Variants in DNAH6 observed in about 807,000 individuals in gnomAD.
DNAH6 encodes dynein axonemal heavy chain 6.
In DNAH6, 340 loss-of-function variants were observed where a neutral mutation model predicts 491.4. That is an observed-to-expected ratio of 0.69 (90% CI 0.63 to 0.76). The LOEUF is 0.76. DNAH6 is among the 30% of genes least tolerant of loss of function. The pLI, the probability that DNAH6 is intolerant of heterozygous loss-of-function variation, is 0.00. For missense variants in DNAH6, 4,443 were observed against 4,972.2 expected (o/e 0.89, Z 3.20); for synonymous variants, 1,603 against 1,686.1 (o/e 0.95, Z 1.21).
chr2:84,654,126 GAGAA>G (rs1291215211), intron 34 of DNAH6, among the ~76,000 whole-genome samples: 9 of 152,174 alleles, frequency 5.9e-5, no homozygotes, highest in African/African-American at 7.2e-5. Flanking sequence ...GAGAGAGAGA[GAGAA>G]AGAAAGAGGA....
intron 10 of DNAH6, among the ~76,000 whole-genome samples, chr2:84,553,451 CTCTTTCTTTCTTT>C (rs1679697072): frequency 7.8e-6 from 1 of 127,938 alleles, no homozygotes; most frequent in African/African-American, 2.9e-5. Flanking sequence ...CTTTCTCTCT[CTCTTTCTTTCTTT>C]TCTTTCTTTT....
intron 45 of DNAH6, among the ~76,000 whole-genome samples, chr2:84,689,454 G>T (rs1386287803): frequency 6.6e-6 from 1 of 152,226 alleles, no homozygotes; most frequent in Non-Finnish European, 1.5e-5. Flanking sequence ...GGAGTGCCTG[G>T]AGCATCTCCG....
intron 4 of DNAH6, among the ~76,000 whole-genome samples, chr2:84,539,668 C>T (rs184774793): frequency 5.9e-5 from 9 of 152,210 alleles, no homozygotes; most frequent in African/African-American, 1.7e-4. Context: ...AGGGTGGAGC[C>T]CGAGAATGTG....
chr2:84,507,624 A>T, the DNAH6 span, among the ~76,000 whole-genome samples: 2 of 152,216 alleles, frequency 1.3e-5, no homozygotes, highest in South Asian at 4.2e-4. Context: ...GTGGTGAGAG[A>T]GGGCATCCCT....
Position 84,722,706 on chromosome 2 carries a change from C to T in DNAH6, c.9874C>T (p.Arg3292Cys), listed in dbSNP as rs770893158. 336 of 1,548,330 alleles carry T rather than the reference C, an allele frequency of 2.2e-4. No individual in the cohort carries two copies. Among genetic ancestry groups the T allele is most frequent in the Middle Eastern group, 1.2e-3 (7 of 5,998 alleles). Residue 3292 changes from arginine to cysteine, a missense_variant, in exon 60 of 77, where the codon CGT becomes TGT. Around this residue, in one of 3 missense-constraint regions of DNAH6, gnomAD observed 1,463 missense variants for 1,656.6 expected, o/e 0.88. Coordinates refer to ENST00000389394, the MANE Select transcript of DNAH6 (RefSeq NM_001370.2). Reference protein sequence around the residue: ...QMINVAREKYRPVATQGSVMY... With the variant: ...QMINVAREKYCPVATQGSVMY... ...GATCAATGTGGCTCGTGAGAAGTAT[C>T]GTCCAGTGGCCACTCAAGGCTCTGT...
chr2:84,623,828 T>C (rs1412129523), intron 26 of DNAH6, among the ~76,000 whole-genome samples: 1 of 152,232 alleles, frequency 6.6e-6, no homozygotes, highest in Non-Finnish European at 1.5e-5. Context: ...CTTAAAATGC[T>C]CAGATTTTCT....
At chr2:84,684,233 G>T (rs144721230) in intron 42 of DNAH6, among the ~76,000 whole-genome samples, 1 of 152,154 alleles carries the variant, frequency 6.6e-6, no homozygotes, top group Non-Finnish European at 1.5e-5. Flanking sequence ...ATATGACTTC[G>T]TTTCTTTCAT....
At chr2:84,481,282 C>T in the DNAH6 span, among the ~76,000 whole-genome samples, 1 of 152,264 alleles carries the variant, frequency 6.6e-6, no homozygotes, top group East Asian at 1.9e-4. Context: ...TGATTTTAGG[C>T]AAAGACTTTC....
chr2:84,722,822 G>C lies in DNAH6; in HGVS notation c.9972+18G>C. 1 of 1,382,002 alleles carries C rather than the reference G, an allele frequency of 7.2e-7. No individual in the cohort carries two copies. The highest frequency in any genetic ancestry group is 1.6e-5 in the South Asian group (1 of 63,668). 85.6% of individuals were successfully genotyped at this position (1,382,002 alleles called of 1,614,324 possible). Reference sequence around the variant, plus strand: ...TTAAACAGGTAAGTGTGTTCATGTTGTTAATGACAGTCATCTCTTTGGCCT... The same window carrying C: ...TTAAACAGGTAAGTGTGTTCATGTTCTTAATGACAGTCATCTCTTTGGCCT... On this transcript the variant is annotated intron_variant, in intron 60 of 76. Transcript: ENST00000389394.
intron 63 of DNAH6, among the ~76,000 whole-genome samples, chr2:84,757,524 T>C (rs1674157903): frequency 6.6e-6 from 1 of 152,220 alleles, no homozygotes; most frequent in Non-Finnish European, 1.5e-5. Flanking sequence ...ACACTCTCTA[T>C]TCAGGCCATT....
At chr2:84,588,678 A>G in intron 15 of DNAH6, 148 bp from the exon 16 acceptor site, 3 of 778,296 alleles carry the variant, frequency 3.9e-6, no homozygotes, top group Non-Finnish European at 1.9e-6. Flanking sequence ...TTTAAAATTC[A>G]GGAAAACAAT....
chr2:84,733,674 ATT>A (rs1205077944), intron 62 of DNAH6, 95 bp downstream of exon 62: 14 of 1,143,502 alleles, frequency 1.2e-5, no homozygotes, highest in Non-Finnish European at 1.4e-5. Flanking sequence ...TAATGTCAGC[ATT>A]TTTCACTAGG....
At chr2:84,503,578 T>C in the DNAH6 span, among the ~76,000 whole-genome samples, 1 of 152,126 alleles carries the variant, frequency 6.6e-6, no homozygotes, top group Non-Finnish European at 1.5e-5. Flanking sequence ...AGGACAGGTC[T>C]GGTGATGATG....
intron 63 of DNAH6, among the ~76,000 whole-genome samples, chr2:84,749,479 T>C (rs1327333716): frequency 1.3e-5 from 2 of 152,122 alleles, no homozygotes; most frequent in Non-Finnish European, 2.9e-5. Flanking sequence ...GTGATGACAA[T>C]GTTCTGAGGT....
chr2:84,621,299 G>A lies in DNAH6; in HGVS notation c.3901G>A (p.Ala1301Thr), dbSNP rs148175693. 2.0e-5 allele frequency: 31 copies of A among 1,551,576 alleles called. No homozygotes were observed. The highest frequency in any genetic ancestry group is 2.4e-5 in the Non-Finnish European group (28 of 1,146,888). ...SLRRLCKAAI[A>T]DYQGKLRTDW... ...GCGTCGCCTGTGCAAAGCTGCCATC[G>A]CTGACTATCAGGGGAAACTGAGGAC... The change falls in exon 25 of 77, where the codon GCT becomes ACT. Residue 1301 changes from alanine (A) to threonine (T), a missense_variant. Ala to Thr is a moderately conservative substitution (Grantham distance 58). Coordinates refer to ENST00000389394, the MANE Select transcript of DNAH6 (RefSeq NM_001370.2).
intron 22 of DNAH6, among the ~76,000 whole-genome samples, chr2:84,613,914 T>C (rs1686574649): frequency 6.6e-6 from 1 of 152,150 alleles, no homozygotes; most frequent in Non-Finnish European, 1.5e-5. Context: ...GCTTTTAAAA[T>C]CTTAACAGTA....
chr2:84,522,508 A>G (rs1170011185), intron 2 of DNAH6, among the ~76,000 whole-genome samples: 2 of 152,114 alleles, frequency 1.3e-5, no homozygotes, highest in African/African-American at 4.8e-5. Context: ...TTCCAATACT[A>G]TGTAGAATAG....
At chr2:84,576,059 A>G (rs1351845264) in intron 12 of DNAH6, among the ~76,000 whole-genome samples, 2 of 152,334 alleles carry the variant, frequency 1.3e-5, no homozygotes, top group East Asian at 3.9e-4. Flanking sequence ...GTTCTGAGGG[A>G]TAATTACATG....
At chr2:84,588,978 G>A (rs1229795700) in intron 16 of DNAH6, 24 bp downstream of exon 16, 2 of 1,531,708 alleles carry the variant, frequency 1.3e-6, no homozygotes, top group Non-Finnish European at 1.8e-6. Context: ...TACACCATCT[G>A]TCTTAGAAAT....
Sources: gnomAD v4.1 joint callset for allele counts (sites outside exome capture counted in the v4.1 genomes callset) on GRCh38, gnomAD v4.1.1 for gene constraint, gnomAD v4.1.1 regional missense constraint, MANE v1.5 for transcripts, NCBI Gene and HGNC (gene_info 2026-07-23, HGNC 2026-07-21) for gene names.